The following NFIX variants were observed in gnomAD, a reference collection of about 807,000 sequenced individuals.
The protein encoded by NFIX is nuclear factor I X.
A neutral mutation model predicts 53.3 loss-of-function variants in NFIX; 2 were observed. The observed-to-expected ratio is 0.04, with a 90% CI of 0.02 to 0.12. The LOEUF is 0.12. NFIX is among the 10% of genes least tolerant of loss of function. The pLI, the probability that NFIX is intolerant of heterozygous loss-of-function variation, is 1.00. For missense variants in NFIX, 310 were observed against 674.5 expected, an observed-to-expected ratio of 0.46 and a Z score of 5.99; for synonymous variants, 244 against 289.0, an observed-to-expected ratio of 0.84 and a Z score of 1.58.
At chr19:13,087,069 G>T (rs1420085489) in intron 8 of NFIX, among the ~76,000 whole-genome samples, 1 of 152,216 alleles carries the variant, frequency 6.6e-6, no homozygotes, top group Non-Finnish European at 1.5e-5. Context: ...TCAGGGTCCT[G>T]TTCAGAGCAG....
intron 10 of NFIX, among the ~76,000 whole-genome samples, chr19:13,092,523 G>A (rs779797273): frequency 6.6e-6 from 1 of 152,252 alleles, no homozygotes; most frequent in Non-Finnish European, 1.5e-5. Context: ...GCCAGTGTGA[G>A]GCCCTGGCAT....
chr19:13,031,266 A>G (rs547655572), intron 2 of NFIX, among the ~76,000 whole-genome samples: 170 of 152,140 alleles, frequency 1.1e-3, no homozygotes, highest in African/African-American at 3.8e-3. Context: ...GACATGGGGG[A>G]AAAAAGAGTC....
chr19:13,075,736 G>A (rs990230498), intron 6 of NFIX, 65 bp downstream of exon 6: 21 of 1,554,140 alleles, frequency 1.4e-5, no homozygotes, highest in East Asian at 9.2e-5. Context: ...CCCCTTCTCA[G>A]TTCACCTGGT....
At position 13,006,639 on chromosome 19, in the gene NFIX, C is replaced by G. The variant is rs1002326511; in HGVS notation, c.27+10775C>G. Among the ~76,000 whole-genome samples, 1 of 152,176 alleles carries G rather than the reference C, an allele frequency of 6.6e-6. No homozygotes were observed. Among genetic ancestry groups the G allele is most frequent in the Non-Finnish European group, 1.5e-5 (1 of 68,022 alleles). The stretch of plus-strand genomic sequence containing the variant: ...GGTTTATTTTTACCCCAGCCTGTCA[C>G]CCTGGCAGTACCAGGCTGCGCCATC... On this transcript the variant is annotated intron_variant, in intron 1 of 10. Coordinates refer to ENST00000592199, the MANE Select transcript of NFIX (RefSeq NM_001365902.3). The surrounding 1 kb of genome is among the most constrained non-coding windows in gnomAD (Gnocchi z 5.6).
chr19:13,008,289 A>G (rs557773405), intron 1 of NFIX, among the ~76,000 whole-genome samples: 1 of 152,312 alleles, frequency 6.6e-6, no homozygotes, highest in African/African-American at 2.4e-5. Context: ...TTTTCAGCCC[A>G]GCCTGGGTTT....
Position 13,094,660 on chromosome 19 carries a change from A to G in NFIX, c.*11A>G. 1 of 1,536,034 alleles carries G rather than the reference A, an allele frequency of 6.5e-7. No individual in the cohort carries two copies. ...TCCTGGTTCCTCTGATAAGATCGAC[A>G]AAAGAAACAACAAAATGAGAAGAAG... On this transcript the variant is annotated 3_prime_UTR_variant, in exon 11 of 11. Coordinates refer to ENST00000592199, the MANE Select transcript of NFIX (RefSeq NM_001365902.3). The surrounding 1 kb of genome is among the most constrained non-coding windows in gnomAD (Gnocchi z 4.3).
At chr19:13,054,220 G>A (rs2015508464) in intron 2 of NFIX, among the ~76,000 whole-genome samples, 1 of 152,190 alleles carries the variant, frequency 6.6e-6, no homozygotes, top group African/African-American at 2.4e-5. Context: ...GGGGTTGGGG[G>A]ACAAGTGGAG....
intron 2 of NFIX, among the ~76,000 whole-genome samples, chr19:13,029,600 C>T (rs1364617772): frequency 1.3e-5 from 2 of 152,244 alleles, no homozygotes; most frequent in Admixed American, 1.3e-4. Flanking sequence ...CAGCTGGACT[C>T]TGCAGGCTGC....
At chr19:13,056,530 T>G (rs777920028) in intron 2 of NFIX, among the ~76,000 whole-genome samples, 3 of 152,182 alleles carry the variant, frequency 2.0e-5, no homozygotes, top group Non-Finnish European at 4.4e-5. Context: ...TTCACAAAGA[T>G]CCTGCGTGGA....
rs986179485 is a variant in NFIX at position 13,028,127 on chromosome 19, T to G, written c.559+2575T>G. On this transcript the variant is annotated intron_variant, in intron 2 of 10. Transcript: ENST00000592199. This position sits in a 1 kb window ranked among gnomAD's most constrained non-coding sequence, Gnocchi z 4.2. ...GCAAGAAATAAAAACATTTCTTGCTTTGCTAGAAAATGTCTTCTGTGGCTG... is the reference window on the plus strand; with the variant it reads ...GCAAGAAATAAAAACATTTCTTGCTGTGCTAGAAAATGTCTTCTGTGGCTG... 1.3e-5 allele frequency among the ~76,000 whole-genome samples: 2 copies of G among 152,190 alleles called. No individual in the cohort carries two copies. The highest frequency in any genetic ancestry group is 4.8e-5 in the African/African-American group (2 of 41,440).
intron 2 of NFIX, among the ~76,000 whole-genome samples, chr19:13,034,317 C>T (rs969880674): frequency 6.6e-6 from 1 of 152,202 alleles, no homozygotes; most frequent in African/African-American, 2.4e-5. Context: ...CTGACACTGG[C>T]CTCCCTCCCT....
chr19:13,082,884 G>T (rs1412658409), intron 8 of NFIX, among the ~76,000 whole-genome samples: 1 of 152,258 alleles, frequency 6.6e-6, no homozygotes, highest in Non-Finnish European at 1.5e-5. Context: ...CCACACCAGA[G>T]GCTGCCTGCT....
chr19:13,028,130 C>T lies in NFIX; in HGVS notation c.559+2578C>T, dbSNP rs2013513936. 6.6e-6 allele frequency among the ~76,000 whole-genome samples: 1 copy of T among 152,196 alleles called. No homozygotes were observed. The highest frequency in any genetic ancestry group is 2.4e-5 in the African/African-American group (1 of 41,454). ...AGAAATAAAAACATTTCTTGCTTTG[C>T]TAGAAAATGTCTTCTGTGGCTGAGC... On this transcript the variant is annotated intron_variant, in intron 2 of 10. Transcript: ENST00000592199. The surrounding 1 kb of genome is among the most constrained non-coding windows in gnomAD (Gnocchi z 4.2).
At chr19:13,056,503 G>T (rs1039140548) in intron 2 of NFIX, among the ~76,000 whole-genome samples, 1 of 152,202 alleles carries the variant, frequency 6.6e-6, no homozygotes, top group African/African-American at 2.4e-5. Flanking sequence ...GTTAAAGGGT[G>T]TTAGGAGCAC....
At position 13,066,393 on chromosome 19, in the gene NFIX, C is replaced by T. The variant is rs368032095; in HGVS notation, c.560-6654C>T. ...CAATGGCTTTTCTTGAGCCTAGGCC[C>T]TAGGGGCAGCCAGAGCAGGCCTAGA... On this transcript the variant is annotated intron_variant, in intron 2 of 10. Transcript: ENST00000592199. The surrounding 1 kb of genome is among the most constrained non-coding windows in gnomAD (Gnocchi z 4.2). 4.5e-4 allele frequency among the ~76,000 whole-genome samples: 68 copies of T among 152,174 alleles called. No individual in the cohort carries two copies. In the East Asian group the frequency reaches 7.9e-3, roughly 18 times the overall value.
chr19:13,033,843 C>A (rs949100316), intron 2 of NFIX, among the ~76,000 whole-genome samples: 3 of 152,216 alleles, frequency 2.0e-5, no homozygotes, highest in Non-Finnish European at 4.4e-5. Flanking sequence ...TCCTAGAAGA[C>A]GACCTACTTG....
At position 13,025,243 on chromosome 19, in the gene NFIX, C is replaced by G. The variant is rs760403080; in HGVS notation, c.250C>G (p.Arg84Gly). Residue 84 changes from arginine (R) to glycine (G), a missense_variant, in exon 2 of 11, where the codon CGG (arginine) becomes GGG (glycine). Arg to Gly is a moderately radical substitution (Grantham distance 125). Transcript: ENST00000592199. The surrounding 1 kb of genome is among the most constrained non-coding windows in gnomAD (Gnocchi z 7.5). The stretch of plus-strand genomic sequence containing the variant: ...GCTGGCCAAGCTGCGCAAGGACATC[C>G]GGCCCGAGTTCCGCGAGGACTTCGT... ...RLLAKLRKDI[R>G]PEFREDFVLT... 6.2e-7 allele frequency: 1 copy of G among 1,614,156 alleles called. No individual in the cohort carries two copies. The highest frequency in any genetic ancestry group is 1.1e-5 in the South Asian group (1 of 91,084).
At chr19:13,076,455 C>CGT (rs148109269) in intron 6 of NFIX, among the ~76,000 whole-genome samples, 6 of 151,984 alleles carry the variant, frequency 3.9e-5, no homozygotes, top group South Asian at 4.2e-4. Flanking sequence ...GTAACACGTG[C>CGT]GTGTGTGTGT....
At chr19:13,016,255 T>C (rs2145166934) in intron 1 of NFIX, among the ~76,000 whole-genome samples, 1 of 152,316 alleles carries the variant, frequency 6.6e-6, no homozygotes, top group Admixed American at 6.5e-5. Flanking sequence ...CTGCTTTGCT[T>C]AGTCCTTCCT....
Sources: gnomAD v4.1 joint callset for allele counts (sites outside exome capture counted in the v4.1 genomes callset) on GRCh38, gnomAD v4.1.1 for gene constraint, Gnocchi (gnomAD v3.1) non-coding constraint, MANE v1.5 for transcripts, NCBI Gene and HGNC (gene_info 2026-07-23, HGNC 2026-07-21) for gene names.